Variants in DLC1 observed in about 807,000 individuals in gnomAD.
DLC1 encodes the protein DLC1 Rho GTPase activating protein, also known as rho GTPase-activating protein 7.
A neutral mutation model predicts 140.3 loss-of-function variants in DLC1; 54 were observed. That is an observed-to-expected ratio of 0.38 (90% CI 0.31 to 0.48). DLC1 has a LOEUF of 0.48. Ranked by LOEUF, DLC1 falls within the 20% of genes least tolerant of loss-of-function variation. The probability of loss-of-function intolerance (pLI) is 0.96; values close to 1 mark genes in which losing one functional copy is unlikely to be tolerated. For synonymous variants in DLC1, 986 were observed against 728.1 expected, an observed-to-expected ratio of 1.35 and a Z score of -5.70; for missense variants, 2,536 against 1,907.0, an observed-to-expected ratio of 1.33 and a Z score of -6.14.
At chr8:13,602,014 A>G (rs748919565) in intron 1 of DLC1, among the ~76,000 whole-genome samples, 3 of 151,850 alleles carry the variant, frequency 2.0e-5, no homozygotes, top group Admixed American at 6.6e-5. Flanking sequence ...GAAAACAACT[A>G]CATATTAAGT....
At chr8:13,564,584 C>T (rs754513793) in intron 1 of DLC1, among the ~76,000 whole-genome samples, 1 of 152,150 alleles carries the variant, frequency 6.6e-6, no homozygotes, top group Non-Finnish European at 1.5e-5. Context: ...ATCATGGAAA[C>T]GTTTATGATA....
chr8:13,524,498 C>G lies in DLC1; in HGVS notation c.-125-24302G>C, dbSNP rs1263265948. ...ATTTTAAAATTTGTACCGTAATAGT[C>G]TATTGGTTACATGATATCTATGAAA... On this transcript the variant is annotated intron_variant, in intron 1 of 1. Transcript: ENST00000631382. Among the ~76,000 whole-genome samples the G allele has an allele frequency of 2.6e-5, 4 of 152,154 alleles. No homozygotes were observed. In the South Asian group the frequency reaches 6.2e-4, roughly 24 times the overall value.
intron 1 of DLC1, chr8:13,558,098 C>G (rs1207968296): frequency 1.3e-5 from 2 of 152,208 alleles, no homozygotes; most frequent in African/African-American, 4.8e-5. Context: ...GTTTCAGTAG[C>G]TATGAGAGAA....
intron 5 of DLC1, among the ~76,000 whole-genome samples, chr8:13,282,958 A>G (rs952839920): frequency 6.6e-6 from 1 of 152,234 alleles, no homozygotes; most frequent in African/African-American, 2.4e-5. Context: ...ATGTCCATAA[A>G]GAATGACAGA....
At chr8:13,182,303 G>A (rs1392902929) in intron 5 of DLC1, among the ~76,000 whole-genome samples, 2 of 151,834 alleles carry the variant, frequency 1.3e-5, no homozygotes, top group Non-Finnish European at 2.9e-5. Context: ...TTCTTTTGCT[G>A]TGCAGAAGCT....
At chr8:13,108,225 A>G (rs990826377) in intron 7 of DLC1, among the ~76,000 whole-genome samples, 1 of 152,182 alleles carries the variant, frequency 6.6e-6, no homozygotes, top group African/African-American at 2.4e-5. Flanking sequence ...GATGACTATT[A>G]CTGTGAACTC....
intron 5 of DLC1, among the ~76,000 whole-genome samples, chr8:13,123,640 G>T (rs150506202): frequency 1.3e-5 from 2 of 152,070 alleles, no homozygotes; most frequent in East Asian, 3.9e-4. Flanking sequence ...CGTGGGCCGT[G>T]GCACCTGGGC....
intron 5 of DLC1, chr8:13,276,743 C>T (rs1035712031): frequency 2.8e-6 from 1 of 361,262 alleles, no homozygotes; most frequent in Non-Finnish European, 4.0e-6. Flanking sequence ...GTCTTCCCTT[C>T]AGGGGCAGTC....
chr8:13,388,061 A>G (rs531756468), intron 4 of DLC1, among the ~76,000 whole-genome samples: 1 of 152,210 alleles, frequency 6.6e-6, no homozygotes, highest in South Asian at 2.1e-4. Context: ...TACATAATTT[A>G]AAATATAATT....
At chr8:13,112,788 C>A (rs1391916257) in intron 6 of DLC1, among the ~76,000 whole-genome samples, 1 of 152,112 alleles carries the variant, frequency 6.6e-6, no homozygotes, top group Non-Finnish European at 1.5e-5. Flanking sequence ...CTCAAGTCAT[C>A]CTCCCACCTC....
intron 5 of DLC1, among the ~76,000 whole-genome samples, chr8:13,205,885 C>T (rs1460083867): frequency 4.6e-5 from 7 of 152,206 alleles, no homozygotes; most frequent in African/African-American, 1.4e-4. Context: ...TTCTCTGAGT[C>T]CTATTAGGAA....
At chr8:13,417,920 A>G (rs1394693640) in intron 2 of DLC1, among the ~76,000 whole-genome samples, 1 of 152,098 alleles carries the variant, frequency 6.6e-6, no homozygotes, top group African/African-American at 2.4e-5. Context: ...CTCGTGTGAG[A>G]TGGTATCTCA....
intron 2 of DLC1, among the ~76,000 whole-genome samples, chr8:13,489,312 G>A (rs780731004): frequency 1.2e-4 from 18 of 151,364 alleles, no homozygotes; most frequent in Non-Finnish European, 1.9e-4. Context: ...TACTTTCTCA[G>A]TTCTCTCTTG....
chr8:13,472,927 A>G (rs1800276872), intron 2 of DLC1, among the ~76,000 whole-genome samples: 2 of 152,220 alleles, frequency 1.3e-5, no homozygotes, highest in African/African-American at 2.4e-5. Flanking sequence ...CAATTAACAA[A>G]TAAATATTTA....
At chr8:13,337,725 T>C (rs1833865394) in intron 4 of DLC1, among the ~76,000 whole-genome samples, 1 of 152,218 alleles carries the variant, frequency 6.6e-6, no homozygotes, top group Non-Finnish European at 1.5e-5. Context: ...TTCCCATCCG[T>C]TTTGGTACAA....
intron 5 of DLC1, among the ~76,000 whole-genome samples, chr8:13,212,525 T>C (rs1050692418): frequency 6.6e-6 from 1 of 152,166 alleles, no homozygotes; most frequent in Non-Finnish European, 1.5e-5. Flanking sequence ...TCCTGGTTTA[T>C]ACGGTTTTGG....
At chr8:13,328,055 G>C (rs944958496) in intron 4 of DLC1, among the ~76,000 whole-genome samples, 8 of 152,200 alleles carry the variant, frequency 5.3e-5, no homozygotes, top group Non-Finnish European at 1.0e-4. Context: ...CTGGAATCTG[G>C]TGAGTGATGG....
At chr8:13,376,315 A>C (rs771004718) in intron 4 of DLC1, among the ~76,000 whole-genome samples, 20 of 152,334 alleles carry the variant, frequency 1.3e-4, no homozygotes, top group Non-Finnish European at 2.2e-4. Context: ...AAGTGAAATA[A>C]GTCCAAACGG....
intron 15 of DLC1, among the ~76,000 whole-genome samples, chr8:13,089,133 C>A (rs548703922): frequency 6.6e-6 from 1 of 151,886 alleles, no homozygotes; most frequent in Admixed American, 6.6e-5. Context: ...GTGGCAGGCA[C>A]CTGTAAGTCC....
Sources: gnomAD v4.1 joint callset for allele counts (sites outside exome capture counted in the v4.1 genomes callset) on GRCh38, gnomAD v4.1.1 for gene constraint, MANE v1.5 for transcripts, NCBI Gene and HGNC (gene_info 2026-07-23, HGNC 2026-07-21) for gene names.